FAM13C: variants seen among roughly 807,000 people sequenced by gnomAD.
FAM13C encodes the protein family with sequence similarity 13 member C.
In FAM13C, 37 loss-of-function variants were observed where a neutral mutation model predicts 73.2. That is an observed-to-expected ratio of 0.51 (90% CI 0.39 to 0.67). The LOEUF (loss-of-function observed/expected upper bound fraction) is 0.67. Among genes scored for constraint, FAM13C ranks in the 30% least tolerant of loss-of-function variants. The pLI, the probability that FAM13C is intolerant of heterozygous loss-of-function variation, is 0.00. For synonymous variants in FAM13C, 246 were observed against 260.9 expected, an observed-to-expected ratio of 0.94 and a Z score of 0.55; for missense variants, 589 against 715.6, an observed-to-expected ratio of 0.82 and a Z score of 2.02.
Position 59,246,434 on chromosome 10 carries a change from C to T in FAM13C, c.*1180G>A. 1 of 366,654 alleles carries T rather than the reference C, an allele frequency of 2.7e-6. No homozygotes were observed. Among genetic ancestry groups the T allele is most frequent in the Non-Finnish European group, 4.9e-6 (1 of 205,960 alleles). 22.7% of individuals were successfully genotyped at this position (366,654 alleles called of 1,614,324 possible). A position where few individuals can be genotyped will look rare whatever the true frequency, so the allele number is the denominator to read the frequency against. On this transcript the variant is annotated 3_prime_UTR_variant, in exon 14 of 14. Transcript: ENST00000618804. ...TTTCTGAAATAGTCAATAGTCTTCC[C>T]ATCCAAACTATAAGAGAATGTGAAT...
intron 5 of FAM13C, among the ~76,000 whole-genome samples, chr10:59,284,429 A>T (rs1035297372): frequency 6.6e-6 from 1 of 151,850 alleles, no homozygotes; most frequent in Non-Finnish European, 1.5e-5. Context: ...CACCGGGAGC[A>T]GAGCCACTGG....
chr10:59,291,819 T>C (rs983385989), intron 5 of FAM13C, among the ~76,000 whole-genome samples: 43 of 139,808 alleles, frequency 3.1e-4, no homozygotes, highest in South Asian at 2.8e-3. Context: ...GATGGAGTCT[T>C]GCTCTGTCGC....
chr10:59,318,426 T>C (rs1433256906), intron 4 of FAM13C, among the ~76,000 whole-genome samples: 2 of 152,134 alleles, frequency 1.3e-5, no homozygotes, highest in Non-Finnish European at 2.9e-5. Flanking sequence ...GAGCTCGTAT[T>C]CTTTAGCTAT....
At chr10:59,272,729 C>A (rs1050924559) in intron 6 of FAM13C, among the ~76,000 whole-genome samples, 8 of 152,102 alleles carry the variant, frequency 5.3e-5, no homozygotes, top group African/African-American at 1.9e-4. Flanking sequence ...CATTGTTTGG[C>A]CTGTCTTCCT....
At chr10:59,335,081 A>C (rs550050990) in intron 3 of FAM13C, among the ~76,000 whole-genome samples, 2 of 152,284 alleles carry the variant, frequency 1.3e-5, no homozygotes, top group East Asian at 3.9e-4. Context: ...ACAGTGGCCA[A>C]CTTTCATTTT....
intron 3 of FAM13C, among the ~76,000 whole-genome samples, chr10:59,324,763 C>T (rs778684233): frequency 6.6e-6 from 1 of 151,974 alleles, no homozygotes; most frequent in Non-Finnish European, 1.5e-5. Context: ...CTGCCACCAC[C>T]CCCTCATACA....
intron 2 of FAM13C, among the ~76,000 whole-genome samples, chr10:59,354,899 T>G (rs1039742997): frequency 2.6e-5 from 4 of 152,008 alleles, no homozygotes; most frequent in Non-Finnish European, 5.9e-5. Context: ...TTGCTGTTCC[T>G]GCAACTCAAA....
At chr10:59,290,313 C>T (rs1446432016) in intron 5 of FAM13C, among the ~76,000 whole-genome samples, 2 of 152,152 alleles carry the variant, frequency 1.3e-5, no homozygotes, top group Admixed American at 1.3e-4. Context: ...GTATGAAAGG[C>T]TTTAGTCCTC....
chr10:59,268,226 A>AAAGAAGAAGAAGAAGAAG (rs61116802), intron 8 of FAM13C, among the ~76,000 whole-genome samples: 1 of 151,108 alleles, frequency 6.6e-6, no homozygotes, highest in African/African-American at 2.4e-5. Flanking sequence ...GAAAAAAGAA[A>AAAGAAGAAGAAGAAGAAG]AAGAAGAAGA....
At chr10:59,337,331 G>C (rs1004480235) in intron 3 of FAM13C, among the ~76,000 whole-genome samples, 3 of 152,234 alleles carry the variant, frequency 2.0e-5, no homozygotes, top group African/African-American at 7.2e-5. Flanking sequence ...CCAGAAGCTG[G>C]AATGTTTAGG....
At chr10:59,277,836 C>T (rs1427504259) in intron 6 of FAM13C, among the ~76,000 whole-genome samples, 6 of 152,194 alleles carry the variant, frequency 3.9e-5, no homozygotes, top group African/African-American at 1.2e-4. Flanking sequence ...AGAGTTTAGG[C>T]TATGGAGTCA....
At chr10:59,336,232 A>G (rs569697364) in intron 3 of FAM13C, among the ~76,000 whole-genome samples, 4 of 152,318 alleles carry the variant, frequency 2.6e-5, no homozygotes, top group African/African-American at 9.6e-5. Context: ...TAAATCTTCA[A>G]TGACACTGAC....
intron 4 of FAM13C, among the ~76,000 whole-genome samples, chr10:59,309,196 C>T (rs748853742): frequency 6.6e-6 from 1 of 152,108 alleles, no homozygotes. Context: ...AATTTCTTAT[C>T]CCAAATCATG....
Position 59,269,996 on chromosome 10 carries a change from G to A in FAM13C, c.706C>T (p.Leu236=), listed in dbSNP as rs1456239132. 3 of 1,613,892 alleles carry A rather than the reference G, an allele frequency of 1.9e-6. No individual in the cohort carries two copies. Among genetic ancestry groups the A allele is most frequent in the African/African-American group, 2.7e-5 (2 of 74,920 alleles). Residue 236 remains leucine, a synonymous_variant, in exon 7 of 14, where the codon CTG becomes TTG. Coordinates refer to ENST00000618804, the MANE Select transcript of FAM13C (RefSeq NM_198215.4). ...LYHITDGDNP[L]LSPRCSIFSQ... ...AAGATGGAGCATCGTGGCGACAGCAGTGGGTTATCACCATCAGTGATGTGA... is the reference window on the plus strand; with the variant it reads ...AAGATGGAGCATCGTGGCGACAGCAATGGGTTATCACCATCAGTGATGTGA...
chr10:59,357,347 G>A (rs772290445), intron 1 of FAM13C, among the ~76,000 whole-genome samples: 8 of 151,994 alleles, frequency 5.3e-5, no homozygotes, highest in Non-Finnish European at 8.8e-5. Context: ...GTAAACCTTT[G>A]TACCACTGAG....
At chr10:59,308,034 A>G (rs576812602) in intron 4 of FAM13C, among the ~76,000 whole-genome samples, 1 of 152,312 alleles carries the variant, frequency 6.6e-6, no homozygotes, top group South Asian at 2.1e-4. Context: ...AAGCTGGCCT[A>G]CACACAAAAA....
intron 5 of FAM13C, among the ~76,000 whole-genome samples, chr10:59,284,694 C>G (rs893010017): frequency 6.6e-6 from 1 of 151,166 alleles, no homozygotes; most frequent in African/African-American, 2.4e-5. Flanking sequence ...CATACCAAAC[C>G]CCCATACTCT....
chr10:59,349,328 A>T (rs1215408391), intron 3 of FAM13C, among the ~76,000 whole-genome samples: 1 of 152,238 alleles, frequency 6.6e-6, no homozygotes, highest in Non-Finnish European at 1.5e-5. Flanking sequence ...GACACTTTAA[A>T]CAATTGACAC....
intron 5 of FAM13C, among the ~76,000 whole-genome samples, chr10:59,284,242 C>G (rs1845281828): frequency 6.6e-6 from 1 of 152,094 alleles, no homozygotes; most frequent in South Asian, 2.1e-4. Flanking sequence ...TTAATAAGAA[C>G]AAAGTCATAC....
Sources: gnomAD v4.1 joint callset for allele counts (sites outside exome capture counted in the v4.1 genomes callset) on GRCh38, gnomAD v4.1.1 for gene constraint, MANE v1.5 for transcripts, NCBI Gene and HGNC (gene_info 2026-07-23, HGNC 2026-07-21) for gene names.